Variants in GRM7 observed in about 807,000 individuals in gnomAD.
The protein encoded by GRM7 is glutamate metabotropic receptor 7, also known as metabotropic glutamate receptor 7.
Under a neutral mutation model 84.5 loss-of-function variants are expected in GRM7, and 35 were observed. The observed-to-expected ratio is 0.41, with a 90% CI of 0.32 to 0.55. The LOEUF (loss-of-function observed/expected upper bound fraction) is 0.55, where lower values mean the gene tolerates loss of function less well. Ranked by LOEUF, GRM7 falls within the 20% of genes least tolerant of loss-of-function variation. The pLI is 0.19. For synonymous variants in GRM7, 487 were observed against 455.1 expected (o/e 1.07, Z -0.89); for missense variants, 1,003 against 1,194.6 (o/e 0.84, Z 2.36).
At chr3:7,197,242 A>T (rs780375744) in intron 2 of GRM7, among the ~76,000 whole-genome samples, 42 of 152,298 alleles carry the variant, frequency 2.8e-4, no homozygotes, top group Non-Finnish European at 5.6e-4. Context: ...CCCAACTCCA[A>T]TGATATTGGC....
At chr3:7,528,299 G>A (rs182778848) in intron 7 of GRM7, among the ~76,000 whole-genome samples, 1 of 152,008 alleles carries the variant, frequency 6.6e-6, no homozygotes, top group African/African-American at 2.4e-5. Flanking sequence ...AGATTTTCTT[G>A]TTTGTGTTTA....
intron 1 of GRM7, among the ~76,000 whole-genome samples, chr3:7,049,182 C>T (rs552709710): frequency 1.3e-5 from 2 of 152,038 alleles, no homozygotes; most frequent in Admixed American, 6.6e-5. Context: ...TAGAGCCAAA[C>T]CACATACTAT....
intron 8 of GRM7, among the ~76,000 whole-genome samples, chr3:7,611,954 A>G (rs1696868793): frequency 6.6e-6 from 1 of 152,196 alleles, no homozygotes; most frequent in Admixed American, 6.5e-5. Context: ...ATATAATAGG[A>G]AAAGCTATGG....
chr3:6,969,923 C>T (rs192611574), intron 1 of GRM7, among the ~76,000 whole-genome samples: 199 of 152,268 alleles, frequency 1.3e-3, no homozygotes, highest in African/African-American at 4.5e-3. Context: ...TTCCCCACTG[C>T]CACCTTCAGA....
At chr3:7,134,482 T>C (rs554189232) in intron 1 of GRM7, among the ~76,000 whole-genome samples, 77 of 152,250 alleles carry the variant, frequency 5.1e-4, no homozygotes, top group Middle Eastern at 3.4e-3. Context: ...TTATATGGTT[T>C]CCTCTCAGAT....
chr3:7,437,058 A>C (rs1014402857), intron 5 of GRM7, among the ~76,000 whole-genome samples: 2 of 152,180 alleles, frequency 1.3e-5, no homozygotes, highest in Admixed American at 6.6e-5. Flanking sequence ...CTTTCACACC[A>C]ACCCTGTAGC....
At chr3:7,009,484 A>T (rs1446188862) in intron 1 of GRM7, among the ~76,000 whole-genome samples, 1 of 152,234 alleles carries the variant, frequency 6.6e-6, no homozygotes, top group African/African-American at 2.4e-5. Flanking sequence ...CCATTTTCTT[A>T]TGTATCTAAA....
At chr3:7,226,412 G>A (rs544704911) in intron 2 of GRM7, among the ~76,000 whole-genome samples, 5 of 152,244 alleles carry the variant, frequency 3.3e-5, no homozygotes, top group Non-Finnish European at 7.4e-5. Flanking sequence ...TGGAGGTTTT[G>A]TAGGTCCTAG....
intron 4 of GRM7, among the ~76,000 whole-genome samples, chr3:7,356,311 AT>A (rs1278731158): frequency 6.7e-6 from 1 of 149,314 alleles, no homozygotes; most frequent in East Asian, 2.0e-4. Context: ...TTTTTTTTTT[AT>A]TTTTTTTGAG....
chr3:7,595,329 G>A (rs560541978), intron 8 of GRM7, among the ~76,000 whole-genome samples: 9 of 152,164 alleles, frequency 5.9e-5, no homozygotes, highest in Non-Finnish European at 1.3e-4. Flanking sequence ...GGTAATACAT[G>A]AGCTGAAGTA....
At chr3:7,149,751 T>G (rs1337137341) in intron 2 of GRM7, among the ~76,000 whole-genome samples, 1 of 152,198 alleles carries the variant, frequency 6.6e-6, no homozygotes, top group Non-Finnish European at 1.5e-5. Context: ...AAGAATGAAA[T>G]TAATGATTTC....
At chr3:6,941,205 C>T (rs895910497) in intron 1 of GRM7, among the ~76,000 whole-genome samples, 24 of 152,176 alleles carry the variant, frequency 1.6e-4, no homozygotes, top group Admixed American at 1.6e-3. Flanking sequence ...AGTTTCCAAA[C>T]TGTGTACCTC....
intron 1 of GRM7, among the ~76,000 whole-genome samples, chr3:6,942,565 A>G (rs907928127): frequency 1.3e-5 from 2 of 152,154 alleles, no homozygotes; most frequent in African/African-American, 4.8e-5. Flanking sequence ...TTAATAGTGT[A>G]TTCCTTTTAA....
intron 1 of GRM7, among the ~76,000 whole-genome samples, chr3:7,066,396 C>T (rs1473378982): frequency 6.6e-6 from 1 of 151,906 alleles, no homozygotes; most frequent in Non-Finnish European, 1.5e-5. Context: ...GTATGAACAA[C>T]TTTATGCACA....
chr3:7,127,817 A>G (rs961223107), intron 1 of GRM7, among the ~76,000 whole-genome samples: 9 of 152,052 alleles, frequency 5.9e-5, no homozygotes, highest in Non-Finnish European at 1.0e-4. Context: ...CCTAACCCCA[A>G]TGATCGATTT....
intron 2 of GRM7, among the ~76,000 whole-genome samples, chr3:7,222,675 T>C (rs975350183): frequency 2.6e-5 from 4 of 152,208 alleles, no homozygotes; most frequent in African/African-American, 7.2e-5. Flanking sequence ...GTTTGGTTTT[T>C]TAAGCTTCTA....
At chr3:7,436,168 T>C (rs559691725) in intron 5 of GRM7, among the ~76,000 whole-genome samples, 4 of 152,094 alleles carry the variant, frequency 2.6e-5, no homozygotes, top group Non-Finnish European at 2.9e-5. Flanking sequence ...ATTAACCTTA[T>C]AAAAATAACC....
intron 8 of GRM7, among the ~76,000 whole-genome samples, chr3:7,644,810 T>G (rs1397035210): frequency 1.3e-5 from 2 of 152,152 alleles, no homozygotes; most frequent in Non-Finnish European, 2.9e-5. Flanking sequence ...AGGGGCAATT[T>G]TCCAGACTGT....
chr3:7,186,310 T>C lies in GRM7; in HGVS notation c.736+39642T>C, dbSNP rs936486438. 2.0e-5 allele frequency among the ~76,000 whole-genome samples: 3 copies of C among 152,234 alleles called. 1 individual carries two copies. The highest frequency in any genetic ancestry group is 2.0e-4 in the Admixed American group (3 of 15,278). On this transcript the variant is annotated intron_variant, in intron 2 of 9. Coordinates refer to ENST00000357716, the MANE Select transcript of GRM7 (RefSeq NM_000844.4). ...TGAGTGCTTAGCACATGGGCATAGTTCTTCTTTCTTCTCCCCTTAAGATGT... is the reference window on the plus strand; with the variant it reads ...TGAGTGCTTAGCACATGGGCATAGTCCTTCTTTCTTCTCCCCTTAAGATGT...
Sources: gnomAD v4.1 joint callset for allele counts (sites outside exome capture counted in the v4.1 genomes callset) on GRCh38, gnomAD v4.1.1 for gene constraint, MANE v1.5 for transcripts, NCBI Gene and HGNC (gene_info 2026-07-23, HGNC 2026-07-21) for gene names.